The following C9orf85 variants were observed in gnomAD, a reference collection of about 807,000 sequenced individuals.
C9orf85 encodes chromosome 9 open reading frame 85.
C9orf85 carries 16 observed loss-of-function variants against 14.9 expected under a neutral mutation model. That is an observed-to-expected ratio of 1.08 (90% CI 0.73 to 1.63). The LOEUF (loss-of-function observed/expected upper bound fraction) is 1.63, where lower values mean the gene tolerates loss of function less well. Among genes scored for constraint, C9orf85 ranks in the 40% most tolerant of loss-of-function variants. C9orf85 has a pLI of 0.00. For missense variants in C9orf85, 172 were observed against 186.1 expected (o/e 0.92, Z 0.44); for synonymous variants, 45 against 56.8 (o/e 0.79, Z 0.93).
At chr9:71,953,841 G>A (rs1589263012) in intron 2 of C9orf85, among the ~76,000 whole-genome samples, 1 of 152,248 alleles carries the variant, frequency 6.6e-6, no homozygotes, top group East Asian at 1.9e-4. Context: ...GCTCACACCT[G>A]TAATCCCAGC....
chr9:71,941,914 A>G (rs934181741), intron 1 of C9orf85: 13 of 152,224 alleles, frequency 8.5e-5, no homozygotes, highest in African/African-American at 3.1e-4. Context: ...ACCTGTACCC[A>G]TACACACAAA....
chr9:71,950,942 CGT>C (rs1421492346), intron 2 of C9orf85, among the ~76,000 whole-genome samples: 1 of 152,088 alleles, frequency 6.6e-6, no homozygotes, highest in Non-Finnish European at 1.5e-5. Context: ...CCAAAAACCG[CGT>C]GTTAATTAGC....
chr9:71,959,488 C>A (rs1311406075), intron 2 of C9orf85, among the ~76,000 whole-genome samples: 2 of 152,070 alleles, frequency 1.3e-5, no homozygotes, highest in African/African-American at 4.8e-5. Flanking sequence ...TAATAACAAC[C>A]CTGTAGAGGT....
intron 1 of C9orf85, among the ~76,000 whole-genome samples, chr9:71,914,281 A>G (rs915559267): frequency 6.6e-6 from 1 of 152,178 alleles, no homozygotes; most frequent in Admixed American, 6.5e-5. Flanking sequence ...AATGCAACCC[A>G]ACACAAATTC....
intron 1 of C9orf85, among the ~76,000 whole-genome samples, chr9:71,945,601 C>A (rs1403905488): frequency 6.6e-6 from 1 of 152,168 alleles, no homozygotes; most frequent in Non-Finnish European, 1.5e-5. Context: ...CACAATATTT[C>A]TAAAATATTT....
intron 1 of C9orf85, among the ~76,000 whole-genome samples, chr9:71,933,463 T>C (rs1828117048): frequency 6.6e-6 from 1 of 152,214 alleles, no homozygotes; most frequent in Admixed American, 6.5e-5. Flanking sequence ...AGATTTGTTC[T>C]TACCATAGAT....
At chr9:71,948,233 T>C (rs1312747321) in intron 2 of C9orf85, among the ~76,000 whole-genome samples, 1 of 152,112 alleles carries the variant, frequency 6.6e-6, no homozygotes, top group Non-Finnish European at 1.5e-5. Flanking sequence ...CTTCTTCCTT[T>C]ATGGGAAAAA....
intron 1 of C9orf85, among the ~76,000 whole-genome samples, chr9:71,929,739 A>G (rs1828026151): frequency 6.6e-6 from 1 of 151,814 alleles, no homozygotes; most frequent in African/African-American, 2.4e-5. Flanking sequence ...AGAATAAGTC[A>G]AAACACTGTA....
At chr9:71,928,186 CAAAAAAAAAAA>C (rs58238164) in intron 1 of C9orf85, among the ~76,000 whole-genome samples, 2 of 74,286 alleles carry the variant, frequency 2.7e-5, no homozygotes, top group Non-Finnish European at 2.5e-5. Context: ...GGCTCTGTCT[CAAAAAAAAAAA>C]AAAAAAAAAA....
intron 1 of C9orf85, among the ~76,000 whole-genome samples, chr9:71,917,201 T>G (rs1166582781): frequency 6.6e-6 from 1 of 152,164 alleles, no homozygotes; most frequent in Non-Finnish European, 1.5e-5. Context: ...CAGATTAGGG[T>G]CAGAACAGAA....
downstream of C9orf85, chr9:71,984,881 G>A (rs1020605733): frequency 4.6e-5 from 7 of 152,314 alleles, no homozygotes; most frequent in Non-Finnish European, 8.8e-5. Context: ...CTGACTGGGT[G>A]ACTTGCCACC....
At chr9:71,925,728 T>G (rs916925103) in intron 1 of C9orf85, among the ~76,000 whole-genome samples, 9 of 152,306 alleles carry the variant, frequency 5.9e-5, no homozygotes, top group Admixed American at 2.0e-4. Context: ...GAACAAGCTG[T>G]TTTTTTATAT....
chr9:71,966,587 T>G (rs1822697407), intron 2 of C9orf85, among the ~76,000 whole-genome samples: 1 of 152,064 alleles, frequency 6.6e-6, no homozygotes, highest in Non-Finnish European at 1.5e-5. Flanking sequence ...TGTACAAATT[T>G]TATTGTGTGC....
chr9:71,913,765 A>G (rs543197207), intron 1 of C9orf85, among the ~76,000 whole-genome samples: 1 of 152,146 alleles, frequency 6.6e-6, no homozygotes, highest in African/African-American at 2.4e-5. Flanking sequence ...AGCTTCTCCT[A>G]CTTGTACTTT....
chr9:71,963,797 C>T (rs1822600651), intron 2 of C9orf85, among the ~76,000 whole-genome samples: 1 of 152,208 alleles, frequency 6.6e-6, no homozygotes, highest in African/African-American at 2.4e-5. Context: ...TCGGGACCTG[C>T]AGTCCGCCAT....
chr9:71,954,931 C>T (rs1822344918), intron 2 of C9orf85, among the ~76,000 whole-genome samples: 1 of 152,152 alleles, frequency 6.6e-6, no homozygotes, highest in East Asian at 1.9e-4. Context: ...GTGCTTGCTC[C>T]CTCTTTGCTA....
chr9:71,915,967 A>C (rs1038200074), intron 1 of C9orf85, among the ~76,000 whole-genome samples: 1 of 152,218 alleles, frequency 6.6e-6, no homozygotes, highest in Non-Finnish European at 1.5e-5. Flanking sequence ...TGTATTCCAC[A>C]TGTGTTATCT....
chr9:71,961,726 G>T (rs980068601), intron 2 of C9orf85, among the ~76,000 whole-genome samples: 2 of 152,152 alleles, frequency 1.3e-5, no homozygotes, highest in Non-Finnish European at 2.9e-5. Flanking sequence ...GTCTTTAAAG[G>T]TGAAAGCAGT....
chr9:71,962,132 C>CTCCA (rs562476132), intron 2 of C9orf85, among the ~76,000 whole-genome samples: 3 of 152,124 alleles, frequency 2.0e-5, no homozygotes, highest in Non-Finnish European at 4.4e-5. Flanking sequence ...CACTACTGTA[C>CTCCA]TCCAGCCTGG....
Sources: gnomAD v4.1 joint callset for allele counts (sites outside exome capture counted in the v4.1 genomes callset) on GRCh38, gnomAD v4.1.1 for gene constraint, MANE v1.5 for transcripts, NCBI Gene and HGNC (gene_info 2026-07-23, HGNC 2026-07-21) for gene names.